Variants in ELAVL2 observed in about 807,000 individuals in gnomAD.
ELAVL2 encodes ELAV-like protein 2.
Under a neutral mutation model 34.6 loss-of-function variants are expected in ELAVL2, and 4 were observed. That is an observed-to-expected ratio of 0.12 (90% confidence interval 0.06 to 0.26). ELAVL2 has a LOEUF of 0.26. Ranked by LOEUF, ELAVL2 falls within the 10% of genes least tolerant of loss-of-function variation. The pLI, the probability that ELAVL2 is intolerant of heterozygous loss-of-function variation, is 1.00. For synonymous variants in ELAVL2, 193 were observed against 154.8 expected, an observed-to-expected ratio of 1.25 and a Z score of -1.83; for missense variants, 432 against 442.8, an observed-to-expected ratio of 0.98 and a Z score of 0.22.
chr9:23,791,521 C>G (rs2060317911), intron 1 of ELAVL2, among the ~76,000 whole-genome samples: 1 of 152,092 alleles, frequency 6.6e-6, no homozygotes, highest in Non-Finnish European at 1.5e-5. Flanking sequence ...AACTACACAA[C>G]CACTCTGTTT....
intron 2 of ELAVL2, among the ~76,000 whole-genome samples, chr9:23,742,127 G>C (rs1387181208): frequency 1.3e-5 from 2 of 152,156 alleles, no homozygotes; most frequent in African/African-American, 2.4e-5. Context: ...CAGCAGCCTT[G>C]AAAGTATTCT....
chr9:23,779,402 T>C (rs1164087681), intron 1 of ELAVL2: 1 of 985,342 alleles, frequency 1.0e-6, no homozygotes, highest in African/African-American at 1.7e-5. Context: ...ACTGGCTATT[T>C]ATAGCACAGC....
At chr9:23,699,478 T>C (rs899142039) in intron 5 of ELAVL2, among the ~76,000 whole-genome samples, 1 of 152,168 alleles carries the variant, frequency 6.6e-6, no homozygotes, top group Admixed American at 6.5e-5. Context: ...TTCACAATGT[T>C]AAAAATCAAC....
chr9:23,728,324 G>T (rs1443772988), intron 3 of ELAVL2, among the ~76,000 whole-genome samples: 1 of 152,152 alleles, frequency 6.6e-6, no homozygotes, highest in Non-Finnish European at 1.5e-5. Flanking sequence ...GGCTCCAAAA[G>T]ATGAGATGAC....
chr9:23,838,119 A>T, the ELAVL2 span, among the ~76,000 whole-genome samples: 1 of 152,202 alleles, frequency 6.6e-6, no homozygotes, highest in Non-Finnish European at 1.5e-5. Context: ...AAATATTATT[A>T]AGCATATTAA....
intron 2 of ELAVL2, among the ~76,000 whole-genome samples, chr9:23,741,074 A>C (rs1175708535): frequency 6.6e-6 from 1 of 152,222 alleles, no homozygotes; most frequent in Non-Finnish European, 1.5e-5. Context: ...AGTGCATCGC[A>C]GGGGTTTCAG....
chr9:23,717,143 T>G (rs892122672), intron 3 of ELAVL2, among the ~76,000 whole-genome samples: 1 of 152,196 alleles, frequency 6.6e-6, no homozygotes, highest in African/African-American at 2.4e-5. Flanking sequence ...GAAGAAAAAC[T>G]GCTTTGCAAC....
intron 5 of ELAVL2, among the ~76,000 whole-genome samples, chr9:23,694,883 T>C (rs1401107391): frequency 2.6e-5 from 4 of 152,172 alleles, no homozygotes; most frequent in Admixed American, 6.5e-5. Flanking sequence ...CGTGTGTGTG[T>C]GTGCGTGCCT....
intron 4 of ELAVL2, among the ~76,000 whole-genome samples, chr9:23,703,373 A>G (rs1205327576): frequency 6.6e-6 from 1 of 152,228 alleles, no homozygotes; most frequent in Non-Finnish European, 1.5e-5. Flanking sequence ...CACCATTATT[A>G]GTCTATGTGA....
chr9:23,732,871 G>A (rs908177254), intron 2 of ELAVL2, among the ~76,000 whole-genome samples: 1 of 152,120 alleles, frequency 6.6e-6, no homozygotes, highest in African/African-American at 2.4e-5. Context: ...CATTAATGAT[G>A]AAAGTGGATC....
intron 6 of ELAVL2, 126 bp from the exon 7 acceptor site, chr9:23,693,010 A>G: frequency 1.2e-6 from 1 of 849,226 alleles, no homozygotes; most frequent in Non-Finnish European, 1.8e-6. Flanking sequence ...CAACAAATAT[A>G]TAAACTATTT....
intron 3 of ELAVL2, among the ~76,000 whole-genome samples, chr9:23,720,983 A>C (rs1383201098): frequency 6.6e-6 from 1 of 152,190 alleles, no homozygotes; most frequent in African/African-American, 2.4e-5. Context: ...AAGTGTTGGC[A>C]GTCTCTTGTG....
chr9:23,738,099 CATT>C (rs2048318389), intron 2 of ELAVL2, among the ~76,000 whole-genome samples: 1 of 152,168 alleles, frequency 6.6e-6, no homozygotes, highest in Non-Finnish European at 1.5e-5. Flanking sequence ...CTTGGGCACT[CATT>C]ATGTGTGTCT....
At chr9:23,744,052 C>A (rs528731459) in intron 2 of ELAVL2, among the ~76,000 whole-genome samples, 122 of 152,218 alleles carry the variant, frequency 8.0e-4, no homozygotes, top group Admixed American at 2.0e-3. Flanking sequence ...ATCTTATTAC[C>A]ACAAAGGGGT....
At chr9:23,698,418 C>A (rs2036011267) in intron 5 of ELAVL2, among the ~76,000 whole-genome samples, 1 of 152,162 alleles carries the variant, frequency 6.6e-6, no homozygotes, top group Non-Finnish European at 1.5e-5. Flanking sequence ...TTAAACTTAA[C>A]CCTTATTACA....
intron 1 of ELAVL2, among the ~76,000 whole-genome samples, chr9:23,806,210 T>G (rs565449471): frequency 6.6e-6 from 1 of 152,278 alleles, no homozygotes; most frequent in South Asian, 2.1e-4. Flanking sequence ...ATATGTAAGT[T>G]ATACAACTTC....
intron 3 of ELAVL2, among the ~76,000 whole-genome samples, chr9:23,727,824 A>T (rs1238829759): frequency 1.3e-5 from 2 of 152,050 alleles, no homozygotes; most frequent in Non-Finnish European, 2.9e-5. Context: ...TACTGCACAA[A>T]ACCCTACTGA....
intron 3 of ELAVL2, among the ~76,000 whole-genome samples, chr9:23,717,585 G>T (rs2042637863): frequency 6.6e-6 from 1 of 152,166 alleles, no homozygotes; most frequent in Admixed American, 6.5e-5. Context: ...TCCCTTATGT[G>T]TAATACATTT....
At chr9:23,829,447 GTAAA>G (rs2094514410), upstream of ELAVL2, among the ~76,000 whole-genome samples, 1 of 152,130 alleles carries the variant, frequency 6.6e-6, no homozygotes. Context: ...CGTTTTGTAA[GTAAA>G]TAAAGAAGTT....
Sources: allele counts gnomAD v4.1 joint callset (sites outside exome capture counted in the v4.1 genomes callset), GRCh38; gene constraint gnomAD v4.1.1; transcripts MANE v1.5; gene names NCBI Gene and HGNC (gene_info 2026-07-23, HGNC 2026-07-21).